Variants in ERC2 observed in about 807,000 individuals in gnomAD.
The protein encoded by ERC2 is ERC protein 2.
ERC2 carries 42 observed loss-of-function variants against 114.8 expected under a neutral mutation model. The ratio of observed to expected loss-of-function variants is 0.37; its 90% CI spans 0.29 to 0.47. The LOEUF (loss-of-function observed/expected upper bound fraction) is 0.47. Among genes scored for constraint, ERC2 ranks in the 20% least tolerant of loss-of-function variants. The probability of loss-of-function intolerance (pLI) is 0.99; values close to 1 mark genes in which losing one functional copy is unlikely to be tolerated. For missense variants in ERC2, 939 were observed against 1,150.7 expected (o/e 0.82, Z 2.66); for synonymous variants, 454 against 425.5 (o/e 1.07, Z -0.82).
chr3:56,200,680 T>C (rs1404084530), intron 3 of ERC2, among the ~76,000 whole-genome samples: 3 of 152,156 alleles, frequency 2.0e-5, no homozygotes, highest in Non-Finnish European at 4.4e-5. Flanking sequence ...ACTCCATAGA[T>C]ACAAAAGGGG....
chr3:56,364,345 T>C (rs2059073529), intron 2 of ERC2, among the ~76,000 whole-genome samples: 1 of 152,224 alleles, frequency 6.6e-6, no homozygotes, highest in African/African-American at 2.4e-5. Flanking sequence ...ACACTGTGAA[T>C]GTAATTAATA....
intron 14 of ERC2, among the ~76,000 whole-genome samples, chr3:55,846,436 T>C (rs983866902): frequency 1.3e-5 from 2 of 152,216 alleles, no homozygotes; most frequent in Non-Finnish European, 2.9e-5. Flanking sequence ...TTTGCTATTG[T>C]GTACAGTGCT....
intron 3 of ERC2, among the ~76,000 whole-genome samples, chr3:56,205,467 C>T (rs569402263): frequency 6.6e-6 from 1 of 152,184 alleles, no homozygotes; most frequent in Non-Finnish European, 1.5e-5. Context: ...TCTGTCCAAA[C>T]TCTTGCCCCG....
At chr3:55,594,629 T>C (rs1254342117) in intron 17 of ERC2, among the ~76,000 whole-genome samples, 1 of 152,034 alleles carries the variant, frequency 6.6e-6, no homozygotes, top group Non-Finnish European at 1.5e-5. Context: ...CTACAGGCAT[T>C]GTGCCACCAC....
chr3:55,575,039 A>G (rs868482638), intron 17 of ERC2, among the ~76,000 whole-genome samples: 1 of 152,070 alleles, frequency 6.6e-6, no homozygotes, highest in Middle Eastern at 3.4e-3. Context: ...TCTGAGACGG[A>G]ATGTTGCCCT....
intron 7 of ERC2, among the ~76,000 whole-genome samples, chr3:56,022,860 G>C (rs1285834783): frequency 6.6e-6 from 1 of 152,158 alleles, no homozygotes; most frequent in Non-Finnish European, 1.5e-5. Flanking sequence ...TTTGACTTGA[G>C]CTGCCTTCTG....
intron 6 of ERC2, among the ~76,000 whole-genome samples, chr3:56,083,935 A>G (rs934263284): frequency 6.6e-6 from 1 of 152,176 alleles, no homozygotes; most frequent in African/African-American, 2.4e-5. Flanking sequence ...GGGGAAGTAA[A>G]GGATTGCTGC....
chr3:56,317,241 G>A (rs1322391219), intron 2 of ERC2, among the ~76,000 whole-genome samples: 3 of 152,182 alleles, frequency 2.0e-5, no homozygotes, highest in African/African-American at 7.2e-5. Flanking sequence ...GAACAAGGAA[G>A]AAAGATATTC....
intron 15 of ERC2, among the ~76,000 whole-genome samples, chr3:55,703,307 C>T (rs2063321080): frequency 6.6e-6 from 1 of 152,196 alleles, no homozygotes; most frequent in South Asian, 2.1e-4. Flanking sequence ...GTTACACCTC[C>T]CAGTCTCCTT....
intron 3 of ERC2, among the ~76,000 whole-genome samples, chr3:56,174,212 T>C (rs1313138840): frequency 6.6e-6 from 1 of 152,204 alleles, no homozygotes; most frequent in African/African-American, 2.4e-5. Context: ...TGAACATTTC[T>C]TTAGGTAAAA....
At chr3:55,900,253 A>G (rs917229756) in intron 13 of ERC2, among the ~76,000 whole-genome samples, 34 of 152,168 alleles carry the variant, frequency 2.2e-4, no homozygotes, top group African/African-American at 8.2e-4. Context: ...TGGAAGTCCA[A>G]TATGTTCATT....
chr3:56,062,187 T>C (rs2076271461), intron 7 of ERC2, among the ~76,000 whole-genome samples: 1 of 152,216 alleles, frequency 6.6e-6, no homozygotes, highest in South Asian at 2.1e-4. Flanking sequence ...TATAACATGG[T>C]ACTTACATGT....
At chr3:55,994,861 T>C (rs2071384687) in intron 10 of ERC2, among the ~76,000 whole-genome samples, 1 of 152,134 alleles carries the variant, frequency 6.6e-6, no homozygotes, top group Non-Finnish European at 1.5e-5. Flanking sequence ...ATGGGATGTT[T>C]AGAAGCACAG....
intron 3 of ERC2, among the ~76,000 whole-genome samples, chr3:56,263,249 C>T (rs190352910): frequency 1.9e-3 from 290 of 151,806 alleles, no homozygotes; most frequent in Non-Finnish European, 3.3e-3. Context: ...GAGACCCCAG[C>T]CATCACTTCC....
At chr3:55,631,031 T>C (rs544777049) in intron 17 of ERC2, among the ~76,000 whole-genome samples, 2 of 152,162 alleles carry the variant, frequency 1.3e-5, no homozygotes, top group East Asian at 3.9e-4. Context: ...TAGCTATATA[T>C]AGAGAAAGAG....
intron 14 of ERC2, among the ~76,000 whole-genome samples, chr3:55,756,572 T>C (rs948955631): frequency 6.6e-6 from 1 of 152,224 alleles, no homozygotes; most frequent in African/African-American, 2.4e-5. Context: ...AACAGAAGTA[T>C]GACATGTCAA....
intron 17 of ERC2, among the ~76,000 whole-genome samples, chr3:55,636,235 G>A (rs761674211): frequency 6.6e-6 from 1 of 152,150 alleles, no homozygotes; most frequent in Non-Finnish European, 1.5e-5. Flanking sequence ...CTTTCTCACA[G>A]TAATCCATAT....
intron 3 of ERC2, among the ~76,000 whole-genome samples, chr3:56,280,745 C>G (rs149544288): frequency 1.3e-5 from 2 of 152,244 alleles, no homozygotes; most frequent in African/African-American, 4.8e-5. Context: ...GTTACTATTG[C>G]TATGGTTATG....
At chr3:55,928,067 A>C (rs949903437) in intron 13 of ERC2, among the ~76,000 whole-genome samples, 3 of 152,202 alleles carry the variant, frequency 2.0e-5, no homozygotes, top group Non-Finnish European at 4.4e-5. Flanking sequence ...TGCAGTAAAC[A>C]TAGTAGTGTA....
Sources: gnomAD v4.1 joint callset for allele counts (sites outside exome capture counted in the v4.1 genomes callset) on GRCh38, gnomAD v4.1.1 for gene constraint, MANE v1.5 for transcripts, NCBI Gene and HGNC (gene_info 2026-07-23, HGNC 2026-07-21) for gene names.